The following PPIP5K2 variants were observed in gnomAD, a reference collection of about 807,000 sequenced individuals.
PPIP5K2 encodes the protein inositol hexakisphosphate and diphosphoinositol-pentakisphosphate kinase 2.
PPIP5K2 carries 105 observed loss-of-function variants against 154.6 expected under a neutral mutation model. The observed-to-expected ratio is 0.68, with a 90% CI of 0.58 to 0.80. PPIP5K2 has a LOEUF of 0.80. PPIP5K2 is among the 30% of genes least tolerant of loss of function. The probability of loss-of-function intolerance (pLI) is 0.00; values close to 1 mark genes in which losing one functional copy is unlikely to be tolerated. For synonymous variants in PPIP5K2, 480 were observed against 490.3 expected (o/e 0.98, Z 0.28); for missense variants, 992 against 1,504.6 (o/e 0.66, Z 5.64).
chr5:103,197,556 GT>G (rs1554228912), intron 30 of PPIP5K2, among the ~76,000 whole-genome samples: 1 of 131,952 alleles, frequency 7.6e-6, no homozygotes, highest in African/African-American at 2.7e-5. Context: ...TTGGTTTTAT[GT>G]TTAAAACACA....
chr5:103,128,390 T>C (rs538318867), intron 1 of PPIP5K2, among the ~76,000 whole-genome samples: 2 of 57,542 alleles, frequency 3.5e-5, no homozygotes, highest in Non-Finnish European at 7.2e-5. Context: ...ATAGTTCTTA[T>C]TTATTTATTT....
chr5:103,179,136 A>G (rs1170583091), intron 23 of PPIP5K2, among the ~76,000 whole-genome samples: 1 of 151,902 alleles, frequency 6.6e-6, no homozygotes, highest in Non-Finnish European at 1.5e-5. Context: ...CTTATCTTTC[A>G]GTGTCTTATT....
intron 14 of PPIP5K2, 104 bp downstream of exon 14, chr5:103,156,098 C>A: frequency 1.5e-6 from 1 of 686,356 alleles, no homozygotes; most frequent in Non-Finnish European, 2.5e-6. Flanking sequence ...TAGGGAATGG[C>A]ATGGTGAGGA....
intron 1 of PPIP5K2, among the ~76,000 whole-genome samples, chr5:103,122,611 G>GTAC (rs1267991092): frequency 6.6e-6 from 1 of 152,148 alleles, no homozygotes; most frequent in Non-Finnish European, 1.5e-5. Context: ...TTACCTGGAT[G>GTAC]TACTATTGGT....
At chr5:103,120,603 C>A in intron 1 of PPIP5K2, 115 bp downstream of exon 1, 1 of 432,570 alleles carries the variant, frequency 2.3e-6, no homozygotes, top group South Asian at 1.6e-5. Context: ...TAAACACATG[C>A]TCCACCGAGG....
Position 103,142,852 on chromosome 5 carries a change from A to G in PPIP5K2, c.488-3675A>G, listed in dbSNP as rs188926586. 3.5e-3 allele frequency among the ~76,000 whole-genome samples: 534 copies of G among 152,288 alleles called. 6 individuals carry two copies. The highest frequency in any genetic ancestry group is 4.5e-3 in the Non-Finnish European group (305 of 68,014). ...TAATAGCAAGTACACAGATAAATAC[A>G]TAATACTCTAACACTGTCATTGTGG... On this transcript the variant is annotated intron_variant, in intron 5 of 30. Transcript: ENST00000358359.
intron 23 of PPIP5K2, among the ~76,000 whole-genome samples, chr5:103,178,468 A>G (rs556988107): frequency 2.6e-5 from 4 of 152,004 alleles, no homozygotes; most frequent in Admixed American, 2.0e-4. Context: ...TCTCTCTACC[A>G]GTACCACAGT....
chr5:103,152,568 G>C, intron 9 of PPIP5K2, 80 bp from the exon 10 acceptor site: 1 of 797,936 alleles, frequency 1.3e-6, no homozygotes, highest in East Asian at 2.6e-5. Context: ...TAACTCTTAT[G>C]ATTCTCTCTC....
intron 29 of PPIP5K2, 110 bp from the exon 30 acceptor site, chr5:103,194,790 T>G: frequency 8.2e-7 from 1 of 1,221,148 alleles, no homozygotes; most frequent in Admixed American, 2.6e-5. Flanking sequence ...CATTTTCTTC[T>G]GTTATTATGA....
chr5:103,130,107 C>A (rs1446723801), intron 2 of PPIP5K2, among the ~76,000 whole-genome samples: 1 of 152,142 alleles, frequency 6.6e-6, no homozygotes, highest in Admixed American at 6.5e-5. Context: ...GCTTCTGTTA[C>A]CAATGTGAGT....
At chr5:103,176,117 A>C (rs1271119772) in intron 21 of PPIP5K2, among the ~76,000 whole-genome samples, 5 of 152,082 alleles carry the variant, frequency 3.3e-5, no homozygotes, top group African/African-American at 9.7e-5. Context: ...TTTCAGGAAT[A>C]TGTGTAATGG....
intron 26 of PPIP5K2, 54 bp from the exon 27 acceptor site, chr5:103,186,266 C>T: frequency 6.2e-7 from 1 of 1,608,586 alleles, no homozygotes; most frequent in South Asian, 1.1e-5. Context: ...CATGAATTCC[C>T]AATGTGAATG....
At chr5:103,145,736 A>G (rs1311612307) in intron 5 of PPIP5K2, among the ~76,000 whole-genome samples, 1 of 151,904 alleles carries the variant, frequency 6.6e-6, no homozygotes, top group East Asian at 1.9e-4. Flanking sequence ...GAAGGGTTGC[A>G]AGGATGACGG....
In PPIP5K2 at chr5:103,173,109, C is replaced by G. The variant is rs782068481; in HGVS notation, c.2287-46C>G. On this transcript the variant is annotated intron_variant, in intron 19 of 30. Transcript: ENST00000358359. ...TTTAGGAGTGTATTTTTTTAGAGTA[C>G]TTTGTCATTATATCCTTTTTCTAAT... The G allele has an allele frequency of 5.4e-6, 8 of 1,484,334 alleles. No individual in the cohort carries two copies. The Middle Eastern group carries it at 5.4e-4, about 101-fold the overall frequency. The allele number at this position is 1,484,334 out of a possible 1,614,324, so 91.9% of individuals were successfully genotyped here.
rs782522000 is a variant in PPIP5K2 at position 103,158,291 on chromosome 5, G to T, written c.1593G>T (p.Arg531Ser). Residue 531 changes from arginine to serine, a missense_variant, in exon 15 of 31, where the codon AGG becomes AGT. By Grantham distance (110) the Arg-to-Ser change is moderately radical (BLOSUM62 -1). Around this residue, in one of 9 missense-constraint regions of PPIP5K2, gnomAD observed 163 missense variants for 285.2 expected, o/e 0.57. Coordinates refer to ENST00000358359, the MANE Select transcript of PPIP5K2 (RefSeq NM_001276277.3). Reference protein sequence around the residue: ...VQAEELGRAFRCMYPGGQGDY... With the variant: ...VQAEELGRAFSCMYPGGQGDY... ...CTGAAGAACTTGGAAGAGCCTTCAG[G>T]TGTATGTATCCTGGAGGTCAAGGTA... The T allele has an allele frequency of 6.2e-7, 1 of 1,613,878 alleles. No homozygotes were observed. Among genetic ancestry groups the T allele is most frequent in the African/African-American group, 1.3e-5 (1 of 74,918 alleles).
intron 17 of PPIP5K2, among the ~76,000 whole-genome samples, chr5:103,161,361 GA>G (rs1208654829): frequency 2.0e-5 from 3 of 152,046 alleles, no homozygotes; most frequent in Non-Finnish European, 4.4e-5. Flanking sequence ...GTCTATCATT[GA>G]TGGACATTTG....
intron 14 of PPIP5K2, 40 bp downstream of exon 14, chr5:103,156,034 A>G: frequency 7.5e-7 from 1 of 1,334,686 alleles, no homozygotes; most frequent in Non-Finnish European, 1.1e-6. Context: ...TTTTATATGT[A>G]GTAACTTGTT....
At chr5:103,188,216 T>C (rs1406052587) in intron 28 of PPIP5K2, among the ~76,000 whole-genome samples, 1 of 152,174 alleles carries the variant, frequency 6.6e-6, no homozygotes, top group Non-Finnish European at 1.5e-5. Context: ...CTGATCATTT[T>C]ACAATAATTC....
rs1554232354 is a variant in PPIP5K2, at chr5:103,207,590, A to C, written c.*5956A>C. The C allele has an allele frequency of 6.6e-6, 1 of 151,816 alleles. No individual in the cohort carries two copies. The highest frequency in any genetic ancestry group is 1.5e-5 in the Non-Finnish European group (1 of 67,944). 9.4% of individuals were successfully genotyped at this position (151,816 alleles called of 1,614,324 possible). On this transcript the variant is annotated 3_prime_UTR_variant, in exon 31 of 31. Transcript: ENST00000358359. ...AATTTTAAAGTCTATATATATATAT[A>C]TATAGATCCTATCTGTTGACTCCTT... is the stretch of plus-strand genomic sequence containing the variant.
Sources: gnomAD v4.1 joint callset for allele counts (sites outside exome capture counted in the v4.1 genomes callset) on GRCh38, gnomAD v4.1.1 for gene constraint, gnomAD v4.1.1 regional missense constraint, MANE v1.5 for transcripts, NCBI Gene and HGNC (gene_info 2026-07-23, HGNC 2026-07-21) for gene names.